Variants in DOCK10 observed in about 807,000 individuals in gnomAD.
DOCK10 encodes the protein dedicator of cytokinesis protein 10.
DOCK10 carries 145 observed loss-of-function variants against 280.1 expected under a neutral mutation model. The ratio of observed to expected loss-of-function variants is 0.52; its 90% CI spans 0.45 to 0.59. DOCK10 has a LOEUF of 0.59. Ranked by LOEUF, DOCK10 falls within the 20% of genes least tolerant of loss-of-function variation. DOCK10 has a pLI of 0.00. For missense variants in DOCK10, 2,368 were observed against 2,651.7 expected (o/e 0.89, Z 2.35); for synonymous variants, 915 against 942.2 (o/e 0.97, Z 0.53).
intron 1 of DOCK10, among the ~76,000 whole-genome samples, chr2:224,953,404 C>T (rs995964356): frequency 6.6e-6 from 1 of 152,198 alleles, no homozygotes; most frequent in South Asian, 2.1e-4. Flanking sequence ...GGTGCATCTG[C>T]AGGCTCAGCT....
chr2:224,980,008 T>A (rs1705665201), intron 1 of DOCK10, among the ~76,000 whole-genome samples: 1 of 148,894 alleles, frequency 6.7e-6, no homozygotes. Context: ...TAATGGGCAG[T>A]GGGAAAGTGA....
At chr2:224,835,191 A>G (rs896201940) in intron 25 of DOCK10, among the ~76,000 whole-genome samples, 1 of 152,252 alleles carries the variant, frequency 6.6e-6, no homozygotes, top group Non-Finnish European at 1.5e-5. Flanking sequence ...TGGATGCATG[A>G]AACTAGATAA....
At chr2:224,769,335 C>T (rs1384575967) in intron 55 of DOCK10, among the ~76,000 whole-genome samples, 2 of 152,218 alleles carry the variant, frequency 1.3e-5, no homozygotes, top group Non-Finnish European at 2.9e-5. Context: ...ATTCATACAA[C>T]ACACTTCATG....
At chr2:224,982,064 A>G in intron 1 of DOCK10, 1 of 531,542 alleles carries the variant, frequency 1.9e-6, no homozygotes, top group Non-Finnish European at 2.9e-6. Flanking sequence ...GTTCCGAAAG[A>G]TTTTCCCCAA....
At chr2:224,935,569 G>T (rs1363595601) in intron 1 of DOCK10, among the ~76,000 whole-genome samples, 1 of 152,194 alleles carries the variant, frequency 6.6e-6, no homozygotes, top group Non-Finnish European at 1.5e-5. Context: ...TGGAACTTCA[G>T]CCGTGGTAAT....
At chr2:224,971,674 A>T (rs1303821280) in intron 1 of DOCK10, among the ~76,000 whole-genome samples, 3 of 152,182 alleles carry the variant, frequency 2.0e-5, no homozygotes, top group Non-Finnish European at 2.9e-5. Context: ...TTAAGAATTG[A>T]TTATTTTATC....
At chr2:224,949,035 G>C (rs1183775323) in intron 1 of DOCK10, among the ~76,000 whole-genome samples, 1 of 152,062 alleles carries the variant, frequency 6.6e-6, no homozygotes. Context: ...CTGAAATATT[G>C]GCAAAAAGAG....
At chr2:224,909,733 A>T (rs1454192004) in intron 3 of DOCK10, among the ~76,000 whole-genome samples, 10 of 80,902 alleles carry the variant, frequency 1.2e-4, no homozygotes, top group South Asian at 4.0e-4. Flanking sequence ...CAGAGTTCTC[A>T]AAAGTTTTCA....
chr2:224,962,553 A>C (rs1704509261), intron 1 of DOCK10, among the ~76,000 whole-genome samples: 2 of 152,216 alleles, frequency 1.3e-5, no homozygotes, highest in Admixed American at 1.3e-4. Context: ...TCCTACTTGC[A>C]TTATGTTGCT....
At chr2:225,030,285 A>T (rs1690041486) in intron 1 of DOCK10, among the ~76,000 whole-genome samples, 1 of 152,172 alleles carries the variant, frequency 6.6e-6, no homozygotes, top group Admixed American at 6.5e-5. Context: ...ACTCTCTAAC[A>T]TCCTAACCTC....
chr2:224,869,880 T>G (rs1438647969), intron 11 of DOCK10, among the ~76,000 whole-genome samples: 1 of 152,200 alleles, frequency 6.6e-6, no homozygotes, highest in Non-Finnish European at 1.5e-5. Flanking sequence ...TATCTTTGAT[T>G]TTCAGTTTCT....
intron 15 of DOCK10, among the ~76,000 whole-genome samples, chr2:224,856,107 C>T (rs1011981914): frequency 2.0e-5 from 3 of 152,146 alleles, no homozygotes; most frequent in Non-Finnish European, 4.4e-5. Context: ...CAGTAGAAGT[C>T]CGTTGTTTCC....
intron 28 of DOCK10, among the ~76,000 whole-genome samples, chr2:224,820,857 C>T (rs1268884615): frequency 1.3e-5 from 2 of 152,154 alleles, no homozygotes; most frequent in Non-Finnish European, 2.9e-5. Flanking sequence ...TTCAACAGCT[C>T]ATTGAAACAA....
intron 40 of DOCK10, 44 bp from the exon 41 acceptor site, chr2:224,800,307 G>T: frequency 1.7e-6 from 2 of 1,187,700 alleles, no homozygotes; most frequent in Non-Finnish European, 2.5e-6. Flanking sequence ...CTAAGACAAT[G>T]CTTTGTACCC....
chr2:224,885,576 A>G, intron 7 of DOCK10, 95 bp downstream of exon 7: 1 of 1,212,174 alleles, frequency 8.2e-7, no homozygotes, highest in African/African-American at 1.6e-5. Flanking sequence ...AATCTAGAGC[A>G]GCTCTTGGCT....
At chr2:224,868,971 TAACCCATCAAAAATTA>T (rs986755199) in intron 11 of DOCK10, among the ~76,000 whole-genome samples, 1 of 152,222 alleles carries the variant, frequency 6.6e-6, no homozygotes, top group Admixed American at 6.5e-5. Context: ...CCTACTTTGA[TAACCCATCAAAAATTA>T]AAGCTCATGT....
chr2:224,983,162 G>C (rs985570386), intron 1 of DOCK10, among the ~76,000 whole-genome samples: 8 of 152,156 alleles, frequency 5.3e-5, no homozygotes, highest in Non-Finnish European at 4.4e-5. Context: ...AGAAAAAGCA[G>C]CTGTAAAGCA....
intron 52 of DOCK10, 116 bp from the exon 53 acceptor site, chr2:224,773,463 T>C (rs1690592204): frequency 1.8e-5 from 16 of 904,480 alleles, no homozygotes; most frequent in Non-Finnish European, 2.0e-5. Context: ...CCTTCCATTC[T>C]GCATGCTTTT....
At chr2:224,969,307 A>T (rs530456297) in intron 1 of DOCK10, among the ~76,000 whole-genome samples, 18 of 152,274 alleles carry the variant, frequency 1.2e-4, no homozygotes, top group African/African-American at 4.3e-4. Context: ...TTCTTTAATG[A>T]CCTTAACCAC....
Sources: gnomAD v4.1 joint callset for allele counts (sites outside exome capture counted in the v4.1 genomes callset) on GRCh38, gnomAD v4.1.1 for gene constraint, MANE v1.5 for transcripts, NCBI Gene and HGNC (gene_info 2026-07-23, HGNC 2026-07-21) for gene names.